Variants in MME observed in about 807,000 individuals in gnomAD.
The protein encoded by MME is membrane metalloendopeptidase.
MME carries 98 observed loss-of-function variants against 113.2 expected under a neutral mutation model. The observed-to-expected ratio is 0.87, with a 90% confidence interval of 0.74 to 1.02. The LOEUF (loss-of-function observed/expected upper bound fraction) is 1.02, where lower values mean the gene tolerates loss of function less well. MME is among the 50% of genes least tolerant of loss of function. MME has a pLI of 0.00. For missense variants in MME, 836 were observed against 896.0 expected, an observed-to-expected ratio of 0.93 and a Z score of 0.86; for synonymous variants, 292 against 300.6, an observed-to-expected ratio of 0.97 and a Z score of 0.30.
chr3:155,167,222 T>G (rs527767160), intron 18 of MME, among the ~76,000 whole-genome samples: 10 of 152,310 alleles, frequency 6.6e-5, no homozygotes, highest in African/African-American at 2.4e-4. Context: ...CAATGTGTGC[T>G]TTACACTCTG....
intron 1 of MME, among the ~76,000 whole-genome samples, chr3:155,032,664 T>C (rs1237203536): frequency 1.3e-5 from 2 of 152,174 alleles, no homozygotes; most frequent in Non-Finnish European, 2.9e-5. Context: ...TCTCTAATTG[T>C]GGGCAAAATG....
At chr3:155,071,658 T>C (rs1714560540) in intron 1 of MME, among the ~76,000 whole-genome samples, 1 of 152,190 alleles carries the variant, frequency 6.6e-6, no homozygotes, top group Admixed American at 6.5e-5. Flanking sequence ...TCCATCATCC[T>C]ATCCACAACT....
chr3:155,154,390 CTT>C lies in MME; in HGVS notation c.1601+5740_1601+5741del, dbSNP rs139225638. The stretch of plus-strand genomic sequence containing the variant: ...GCCACTGCAATGAGTGCCTAATACT[CTT>C]TTAGTGTTCCAGTTCTGCCATTCAC... On this transcript the variant is annotated intron_variant, in intron 16 of 22. Coordinates refer to ENST00000360490, the MANE Select transcript of MME (RefSeq NM_007289.4). 5.3e-3 allele frequency among the ~76,000 whole-genome samples: 805 copies of C among 152,280 alleles called. 3 individuals are homozygous for C. The highest frequency in any genetic ancestry group is 0.019 in the African/African-American group (782 of 41,544).
chr3:155,109,260 C>G (rs1169748146), intron 3 of MME, among the ~76,000 whole-genome samples: 2 of 152,086 alleles, frequency 1.3e-5, no homozygotes, highest in Non-Finnish European at 2.9e-5. Flanking sequence ...CAAGAGCCCT[C>G]CTCAAGACTT....
chr3:155,111,280 A>C (rs1559924318), intron 3 of MME, among the ~76,000 whole-genome samples: 1 of 152,332 alleles, frequency 6.6e-6, no homozygotes, highest in East Asian at 1.9e-4. Context: ...CCAGCATAAA[A>C]GTGCTAGCCC....
chr3:155,159,772 G>A (rs1291841604), intron 16 of MME, among the ~76,000 whole-genome samples: 3 of 151,990 alleles, frequency 2.0e-5, no homozygotes, highest in East Asian at 3.9e-4. Flanking sequence ...CAGACAGACC[G>A]ACAAATCTAC....
At chr3:155,081,920 G>T (rs905757115) in intron 1 of MME, 1 of 152,194 alleles carries the variant, frequency 6.6e-6, no homozygotes, top group African/African-American at 2.4e-5. Flanking sequence ...ATTTACAAGA[G>T]GGGGAGATGG....
intron 4 of MME, among the ~76,000 whole-genome samples, chr3:155,116,178 C>T (rs1305891686): frequency 1.4e-5 from 2 of 142,846 alleles, no homozygotes; most frequent in East Asian, 2.1e-4. Flanking sequence ...ATGGCAGAGC[C>T]GTATGCATCA....
At position 155,147,174 on chromosome 3, in the gene MME, C is replaced by A; in HGVS notation, c.1447C>A (p.Pro483Thr). ...AGCAATTAAAGAAAGGATCGGCTAT[C>A]CTGATGACATTGTTTCAAATGATAA... is the stretch of plus-strand genomic sequence containing the variant. The part of the protein sequence containing the change: ...ALAIKERIGY[P>T]DDIVSNDNKL... The change falls in exon 15 of 23, where the codon CCT becomes ACT. Residue 483 changes from proline to threonine, a missense_variant. Pro to Thr is a conservative substitution (Grantham distance 38, BLOSUM62 -1). Coordinates refer to ENST00000360490, the MANE Select transcript of MME (RefSeq NM_007289.4). 6.2e-7 allele frequency: 1 copy of A among 1,608,104 alleles called. No individual in the cohort carries two copies. The highest frequency in any genetic ancestry group is 8.5e-7 in the Non-Finnish European group (1 of 1,174,768).
At chr3:155,107,929 G>A (rs1164902501) in intron 3 of MME, among the ~76,000 whole-genome samples, 2 of 152,202 alleles carry the variant, frequency 1.3e-5, no homozygotes, top group Non-Finnish European at 2.9e-5. Flanking sequence ...AGCACAAGAA[G>A]GCTGTGATAT....
intron 13 of MME, 91 bp from the exon 14 acceptor site, chr3:155,144,268 C>A (rs149379903): frequency 4.6e-4 from 395 of 852,018 alleles, no homozygotes; most frequent in Non-Finnish European, 7.4e-4. Flanking sequence ...CATATTAAGT[C>A]ATACAAAGAT....
At chr3:155,180,328 G>A in intron 22 of MME, 32 bp from the exon 23 acceptor site, 1 of 1,526,680 alleles carries the variant, frequency 6.6e-7, no homozygotes, top group Non-Finnish European at 9.1e-7. Context: ...AGTATCAAAT[G>A]CTGACGGTGA....
intron 22 of MME, among the ~76,000 whole-genome samples, chr3:155,176,940 G>T (rs999244761): frequency 2.0e-5 from 3 of 152,178 alleles, no homozygotes; most frequent in Non-Finnish European, 4.4e-5. Flanking sequence ...ATTAGGTAGA[G>T]TCTTTGGATG....
intron 1 of MME, among the ~76,000 whole-genome samples, chr3:155,060,093 C>G (rs1385332620): frequency 6.6e-6 from 1 of 152,136 alleles, no homozygotes; most frequent in Non-Finnish European, 1.5e-5. Flanking sequence ...CCTACTAAGT[C>G]ATAGATTACT....
At chr3:155,126,294 G>T (rs1193233191) in intron 8 of MME, among the ~76,000 whole-genome samples, 4 of 151,892 alleles carry the variant, frequency 2.6e-5, no homozygotes, top group East Asian at 1.9e-4. Context: ...TCATATTTAG[G>T]ATTGTGTTCT....
At chr3:155,067,757 G>A (rs1005473414) in intron 1 of MME, among the ~76,000 whole-genome samples, 3 of 152,062 alleles carry the variant, frequency 2.0e-5, no homozygotes, top group South Asian at 2.1e-4. Flanking sequence ...AATTACAATG[G>A]CTAAAACTAA....
intron 22 of MME, among the ~76,000 whole-genome samples, chr3:155,173,990 A>G (rs1712249712): frequency 1.3e-5 from 2 of 152,050 alleles, no homozygotes; most frequent in Admixed American, 1.3e-4. Flanking sequence ...TGAAGAGCCT[A>G]TTTTGTGTGT....
intron 8 of MME, among the ~76,000 whole-genome samples, chr3:155,133,724 TATATATAC>T (rs1720384530): frequency 6.9e-6 from 1 of 145,164 alleles, no homozygotes; most frequent in African/African-American, 2.5e-5. Flanking sequence ...ATATGGTGTG[TATATATAC>T]ATATATATGG....
intron 1 of MME, among the ~76,000 whole-genome samples, chr3:155,063,637 T>C (rs970345949): frequency 9.7e-5 from 12 of 123,886 alleles, no homozygotes; most frequent in African/African-American, 3.7e-4. Context: ...TTATATTTGA[T>C]TATATATTAT....
Sources: allele counts gnomAD v4.1 joint callset (sites outside exome capture counted in the v4.1 genomes callset), GRCh38; gene constraint gnomAD v4.1.1; transcripts MANE v1.5; gene names NCBI Gene and HGNC (gene_info 2026-07-23, HGNC 2026-07-21).